Variants in TMEM165 observed in about 807,000 individuals in gnomAD.
TMEM165 encodes transmembrane protein 165.
A neutral mutation model predicts 30.0 loss-of-function variants in TMEM165; 19 were observed. That is an observed-to-expected ratio of 0.63 (90% CI 0.44 to 0.93). The LOEUF (loss-of-function observed/expected upper bound fraction) is 0.93, where lower values mean the gene tolerates loss of function less well. Ranked by LOEUF, TMEM165 falls within the 40% of genes least tolerant of loss-of-function variation. The pLI, the probability that TMEM165 is intolerant of heterozygous loss-of-function variation, is 0.00. For missense variants in TMEM165, 340 were observed against 417.0 expected (o/e 0.82, Z 1.61); for synonymous variants, 168 against 162.9 (o/e 1.03, Z -0.24).
chr4:55,401,718 A>G (rs1277151230), intron 1 of TMEM165, among the ~76,000 whole-genome samples: 2 of 150,642 alleles, frequency 1.3e-5, no homozygotes, highest in East Asian at 1.9e-4. Context: ...GATTGAGGCA[A>G]TCAGTTATAA....
At chr4:55,425,259 A>C (rs897610230) in intron 5 of TMEM165, 117 bp from the exon 6 acceptor site, 2 of 753,802 alleles carry the variant, frequency 2.7e-6, no homozygotes, top group African/African-American at 3.5e-5. Context: ...TTTGTTTTCA[A>C]GGTTAGTTTA....
rs567743839 is a variant in TMEM165, at chr4:55,396,093, T to C, written c.-97T>C. Reference sequence around the variant, plus strand: ...CTCCCTAAGCGGCGGCGGCGGCGAGTCGTGAGGACGCGCCGCGGAGGCTGT... The same window carrying C: ...CTCCCTAAGCGGCGGCGGCGGCGAGCCGTGAGGACGCGCCGCGGAGGCTGT... On this transcript the variant is annotated 5_prime_UTR_variant, in exon 1 of 6. Coordinates refer to ENST00000381334, the MANE Select transcript of TMEM165 (RefSeq NM_018475.5). The C allele has an allele frequency of 1.9e-6, 2 of 1,067,744 alleles. No individual in the cohort carries two copies. Among genetic ancestry groups the C allele is most frequent in the Non-Finnish European group, 2.4e-6 (2 of 825,584 alleles). The allele number at this position is 1,067,744 out of a possible 1,614,324, so 66.1% of individuals were successfully genotyped here.
rs1722157021 is a variant in TMEM165 at position 55,425,471 on chromosome 4, A to G, written c.*19A>G. The stretch of plus-strand genomic sequence containing the variant: ...TTTTTAACAAGCTGTTTGTTCATCT[A>G]TATTTAGTTTAAAATAGGTAGTATT... On this transcript the variant is annotated 3_prime_UTR_variant, in exon 6 of 6. Transcript: ENST00000381334. 11 of 1,584,808 alleles carry G rather than the reference A, an allele frequency of 6.9e-6. No individual in the cohort carries two copies. The highest frequency in any genetic ancestry group is 1.7e-5 in the Admixed American group (1 of 59,578).
intron 3 of TMEM165, among the ~76,000 whole-genome samples, chr4:55,436,432 T>C (rs376015890): frequency 8.9e-4 from 136 of 152,332 alleles, no homozygotes; most frequent in Middle Eastern, 6.8e-3. Context: ...ACTTCTGACA[T>C]GCTGTTCATT....
chr4:55,441,113 G>A (rs925611368), intron 3 of TMEM165, among the ~76,000 whole-genome samples: 10 of 152,122 alleles, frequency 6.6e-5, no homozygotes, highest in Non-Finnish European at 1.5e-4. Context: ...GGGAAGGAAC[G>A]ATGCCATACT....
At position 55,417,161 on chromosome 4, in the gene TMEM165, C is replaced by G; in HGVS notation, c.523C>G (p.Leu175Val). The change falls in exon 3 of 6, where the codon CTT (leucine) becomes GTT (valine). Residue 175 changes from leucine (L) to valine (V), a missense_variant. By Grantham distance (32) the Leu-to-Val change is conservative. This residue lies in a region of TMEM165 where 220 missense variants were observed against 307.6 expected (regional missense o/e 0.72). Coordinates refer to ENST00000381334, the MANE Select transcript of TMEM165 (RefSeq NM_018475.5). ...ATTTGCCATTTTTGGCATTAGAATG[C>G]TTCGGGAAGGCTTAAAGATGAGCCC... ...VLFAIFGIRM[L>V]REGLKMSPDE... is the part of the protein sequence containing the mutation. 1.2e-6 allele frequency: 2 copies of G among 1,613,940 alleles called. No individual in the cohort carries two copies. The highest frequency in any genetic ancestry group is 1.7e-6 in the Non-Finnish European group (2 of 1,179,984).
At chr4:55,438,845 A>C (rs1197248439) in intron 3 of TMEM165, among the ~76,000 whole-genome samples, 1 of 152,240 alleles carries the variant, frequency 6.6e-6, no homozygotes, top group African/African-American at 2.4e-5. Flanking sequence ...AATGGACCAA[A>C]GACCAAAACA....
intron 3 of TMEM165, chr4:55,431,934 A>G (rs1722533528): frequency 6.6e-6 from 1 of 152,214 alleles, no homozygotes; most frequent in Admixed American, 6.5e-5. Context: ...GGACTGCTTC[A>G]GTGCTCCTAG....
At chr4:55,410,942 G>C (rs1277155349) in intron 1 of TMEM165, among the ~76,000 whole-genome samples, 2 of 152,026 alleles carry the variant, frequency 1.3e-5, no homozygotes, top group Admixed American at 1.3e-4. Flanking sequence ...AGACCAGCCT[G>C]GCCAACATGA....
intron 1 of TMEM165, 95 bp downstream of exon 1, chr4:55,396,491 C>A: frequency 8.8e-7 from 1 of 1,130,292 alleles, no homozygotes; most frequent in Non-Finnish European, 1.2e-6. Context: ...CCGCCGGCCT[C>A]GGCTGGGGGA....
intron 3 of TMEM165, chr4:55,435,355 G>C: frequency 6.3e-7 from 1 of 1,590,568 alleles, no homozygotes; most frequent in South Asian, 1.1e-5. Context: ...CAGGTCATCT[G>C]AGTAACTCTT....
chr4:55,450,168 A>G lies in TMEM165; in HGVS notation c.409-2071A>G. On this transcript the variant is annotated intron_variant, in intron 3 of 3. Coordinates refer to the TMEM165 transcript ENST00000608091. ...GGCAGAAGGGGTTGGGCTGTGATCA[A>G]ACCTTTCCAATGCTTCCTTGAGACT... 2 of 1,614,054 alleles carry G rather than the reference A, an allele frequency of 1.2e-6. No homozygotes were observed. The highest frequency in any genetic ancestry group is 8.5e-7 in the Non-Finnish European group (1 of 1,179,996).
chr4:55,430,262 T>C (rs1403835514), downstream of TMEM165: 1 of 152,150 alleles, frequency 6.6e-6, no homozygotes, highest in African/African-American at 2.4e-5. Flanking sequence ...ATAAACTATA[T>C]CCTATTCCAC....
intron 3 of TMEM165, chr4:55,444,539 T>C: frequency 7.7e-6 from 11 of 1,428,250 alleles, no homozygotes; most frequent in Non-Finnish European, 9.8e-6. Context: ...AAAACGTATC[T>C]CTTGCATCTC....
At chr4:55,416,887 G>T in intron 2 of TMEM165, 185 bp from the exon 3 acceptor site, 1 of 519,484 alleles carries the variant, frequency 1.9e-6, no homozygotes, top group Admixed American at 3.7e-5. Context: ...GCCTGGGCTA[G>T]ACCTAATGGT....
chr4:55,437,811 C>T (rs888430355), intron 3 of TMEM165, among the ~76,000 whole-genome samples: 1 of 152,134 alleles, frequency 6.6e-6, no homozygotes, highest in African/African-American at 2.4e-5. Flanking sequence ...ATATACTACA[C>T]CTCCATGGTA....
intron 2 of TMEM165, among the ~76,000 whole-genome samples, chr4:55,415,090 A>G (rs1222987443): frequency 2.6e-5 from 4 of 152,190 alleles, no homozygotes; most frequent in Non-Finnish European, 5.9e-5. Flanking sequence ...TTTTGCATCA[A>G]TTGATGATTC....
exon 4 of TMEM165, chr4:55,452,874 T>C: frequency 2.0e-6 from 1 of 497,774 alleles, no homozygotes; most frequent in Non-Finnish European, 3.6e-6. Context: ...AATTTTCTTT[T>C]TAGAGGCAGG....
At chr4:55,436,483 A>T (rs970081326) in intron 3 of TMEM165, among the ~76,000 whole-genome samples, 3 of 152,248 alleles carry the variant, frequency 2.0e-5, no homozygotes, top group African/African-American at 7.2e-5. Context: ...TAACAGAAAG[A>T]AAGTGAATTT....
Sources: allele counts gnomAD v4.1 joint callset (sites outside exome capture counted in the v4.1 genomes callset), GRCh38; gene constraint gnomAD v4.1.1; regional missense constraint gnomAD v4.1.1; transcripts MANE v1.5; gene names NCBI Gene and HGNC (gene_info 2026-07-23, HGNC 2026-07-21).